CHD7: variants seen among roughly 807,000 people sequenced by gnomAD.
CHD7 encodes chromodomain helicase DNA binding protein 7, also known as ATP-dependent chromatin remodeler CHD7.
In CHD7, 24 loss-of-function variants were observed where a neutral mutation model predicts 307.3. The ratio of observed to expected loss-of-function variants is 0.08; its 90% CI spans 0.06 to 0.11. CHD7 has a LOEUF of 0.11. Ranked by LOEUF, CHD7 falls within the 10% of genes least tolerant of loss-of-function variation. The pLI is 1.00. For missense variants in CHD7, 3,106 were observed against 3,727.1 expected (o/e 0.83, Z 4.34); for synonymous variants, 1,363 against 1,349.9 (o/e 1.01, Z -0.21).
rs58405811 is a variant in CHD7 at position 60,816,113 on chromosome 8, G to GTCTGTCTCTCTCTC, written c.2499-271_2499-270insGTCTCTCTCTCTCT. 1.6e-3 allele frequency among the ~76,000 whole-genome samples: 219 copies of GTCTGTCTCTCTCTC among 139,296 alleles called. 1 individual carries two copies. Among genetic ancestry groups the GTCTGTCTCTCTCTC allele is most frequent in the African/African-American group, 5.9e-3 (205 of 34,984 alleles). 91.4% of individuals were successfully genotyped at this position (139,296 alleles called of 152,430 possible). On this transcript the variant is annotated intron_variant, in intron 7 of 37. Transcript: ENST00000423902. ...GTCTCTTTTGTCTGTCTGTCTGTCT[G>GTCTGTCTCTCTCTC]TCTCTCTCTCTCTCTCTCTCTCTCT...
chr8:60,701,556 T>C (rs1488695638), intron 1 of CHD7, among the ~76,000 whole-genome samples: 1 of 152,252 alleles, frequency 6.6e-6, no homozygotes, highest in Non-Finnish European at 1.5e-5. Flanking sequence ...GTGGATTACT[T>C]TATTGTATCA....
In CHD7 at chr8:60,865,409, A is replaced by G. The variant is rs1478846467; in HGVS notation, c.8470A>G (p.Thr2824Ala). ...GLLNNPLSAA[T>A]GNTTTASSQG... is the part of the protein sequence containing the mutation. The stretch of plus-strand genomic sequence containing the variant: ...GTTGAATAACCCTCTGTCAGCTGCT[A>G]CTGGAAACACCACTACTGCTTCTAG... Residue 2824 changes from threonine to alanine, a missense_variant, in exon 38 of 38, where the codon ACT (threonine) becomes GCT (alanine). Thr to Ala is a moderately conservative substitution (Grantham distance 58). Coordinates refer to ENST00000423902, the MANE Select transcript of CHD7 (RefSeq NM_017780.4). The surrounding 1 kb of genome is among the most constrained non-coding windows in gnomAD (Gnocchi z 4.3). 7 of 1,613,814 alleles carry G rather than the reference A, an allele frequency of 4.3e-6. No individual in the cohort carries two copies. Among genetic ancestry groups the G allele is most frequent in the Non-Finnish European group, 5.9e-6 (7 of 1,179,864 alleles).
chr8:60,795,738 GTTCTTGTGTGTAAAGCATACTGCC>G (rs1479357250), intron 4 of CHD7, among the ~76,000 whole-genome samples: 3 of 152,184 alleles, frequency 2.0e-5, no homozygotes, highest in Non-Finnish European at 2.9e-5. Context: ...AGGAATGTAG[GTTCTTGTGTGTAAAGCATACTGCC>G]TTCACTGATT....
chr8:60,817,718 T>G (rs1803814132), intron 8 of CHD7, among the ~76,000 whole-genome samples: 1 of 152,212 alleles, frequency 6.6e-6, no homozygotes, highest in Non-Finnish European at 1.5e-5. Flanking sequence ...ATCTTAATAT[T>G]TGATTTTGAG....
At chr8:60,720,206 G>T (rs180790388) in intron 1 of CHD7, among the ~76,000 whole-genome samples, 1 of 152,034 alleles carries the variant, frequency 6.6e-6, no homozygotes, top group Admixed American at 6.6e-5. Context: ...TTCAATGGCC[G>T]GTTGGGTCAT....
chr8:60,741,859 T>G lies in CHD7; in HGVS notation c.427T>G (p.Ser143Ala), dbSNP rs1464536379. 4 of 1,613,812 alleles carry G rather than the reference T, an allele frequency of 2.5e-6. No individual in the cohort carries two copies. The highest frequency in any genetic ancestry group is 3.4e-6 in the Non-Finnish European group (4 of 1,179,816). ...TGGGCAATCCTTTGTGGACAGCAGC[T>G]CCATGTGGGGCCCCAGGGCTGTTCA... ...RHGQSFVDSS[S>A]MWGPRAVQVP... Residue 143 changes from serine to alanine, a missense_variant, in exon 2 of 38, where the codon TCC becomes GCC. Ser to Ala is a moderately conservative substitution (Grantham distance 99). This residue lies in a region of CHD7 where 998 missense variants were observed against 1,004.5 expected (regional missense o/e 0.99). Transcript: ENST00000423902.
intron 1 of CHD7, among the ~76,000 whole-genome samples, chr8:60,693,230 C>A (rs777119446): frequency 1.3e-5 from 2 of 152,198 alleles, no homozygotes; most frequent in Non-Finnish European, 2.9e-5. Flanking sequence ...CCTGCTAGGT[C>A]ATTATGGTCA....
rs572098274 is a variant in CHD7, at chr8:60,856,061, T to C, written c.7023T>C (p.Asp2341=). 19 of 1,611,664 alleles carry C rather than the reference T, an allele frequency of 1.2e-5. No homozygotes were observed. The highest frequency in any genetic ancestry group is 1.7e-5 in the Admixed American group (1 of 59,708). The change falls in exon 33 of 38, where the codon GAT becomes GAC. Residue 2341 remains aspartate (D), a synonymous_variant. Coordinates refer to ENST00000423902, the MANE Select transcript of CHD7 (RefSeq NM_017780.4). ...KWPVNRRQMF[D]FQGLIPGYTP... ...CAGTAAATAGGCGCCAGATGTTTGA[T>C]TTCCAAGGCCTCATCCCAGGTTACA...
intron 3 of CHD7, among the ~76,000 whole-genome samples, chr8:60,783,498 T>C (rs1811358606): frequency 6.6e-6 from 1 of 152,206 alleles, no homozygotes; most frequent in Non-Finnish European, 1.5e-5. Context: ...AGAGTAAGTG[T>C]TTGGCATTGC....
chr8:60,765,219 AC>A, intron 2 of CHD7, among the ~76,000 whole-genome samples: 2 of 151,492 alleles, frequency 1.3e-5, no homozygotes, highest in Non-Finnish European at 2.9e-5. Flanking sequence ...ACACACACAC[AC>A]ACACACACAC....
At chr8:60,688,449 T>A (rs1563516287) in intron 1 of CHD7, among the ~76,000 whole-genome samples, 1 of 152,228 alleles carries the variant, frequency 6.6e-6, no homozygotes, top group East Asian at 1.9e-4. Context: ...ATCCTACAGA[T>A]GACTGGACAA....
At chr8:60,764,151 A>C (rs1465428816) in intron 2 of CHD7, among the ~76,000 whole-genome samples, 1 of 151,892 alleles carries the variant, frequency 6.6e-6, no homozygotes, top group Non-Finnish European at 1.5e-5. Context: ...CCACGCCCAG[A>C]TAATTTTTTT....
At chr8:60,711,470 G>T (rs1362808487) in intron 1 of CHD7, among the ~76,000 whole-genome samples, 4 of 152,192 alleles carry the variant, frequency 2.6e-5, no homozygotes, top group African/African-American at 9.7e-5. Flanking sequence ...GAAAACCATG[G>T]CTCAGAGGTT....
chr8:60,824,058 T>G (rs1382907119), intron 13 of CHD7, 42 bp downstream of exon 13: 1 of 1,563,804 alleles, frequency 6.4e-7, no homozygotes, highest in African/African-American at 1.4e-5. Context: ...CTGAATAGAA[T>G]TGTTGCTGAC....
At chr8:60,686,885 C>T (rs1805926900) in intron 1 of CHD7, among the ~76,000 whole-genome samples, 1 of 152,184 alleles carries the variant, frequency 6.6e-6, no homozygotes, top group African/African-American at 2.4e-5. Flanking sequence ...TTTTTAGAGG[C>T]CACTGTGTCC....
intron 2 of CHD7, among the ~76,000 whole-genome samples, chr8:60,763,475 G>C (rs919808862): frequency 4.6e-5 from 7 of 152,030 alleles, no homozygotes; most frequent in African/African-American, 1.7e-4. Context: ...AGCGGTCAGG[G>C]GAGTAGAACT....
At chr8:60,701,465 G>A (rs770489707) in intron 1 of CHD7, among the ~76,000 whole-genome samples, 1 of 152,314 alleles carries the variant, frequency 6.6e-6, no homozygotes, top group South Asian at 2.1e-4. Context: ...TAGGACAGAT[G>A]GGATCTGCTA....
intron 1 of CHD7, among the ~76,000 whole-genome samples, chr8:60,729,880 G>T (rs1808353876): frequency 6.6e-6 from 1 of 152,168 alleles, no homozygotes; most frequent in Admixed American, 6.5e-5. Flanking sequence ...CTTAAAGTGT[G>T]ATCTTTTTTC....
At chr8:60,827,180 A>G (rs766146306) in intron 13 of CHD7, among the ~76,000 whole-genome samples, 2 of 152,176 alleles carry the variant, frequency 1.3e-5, no homozygotes, top group Non-Finnish European at 2.9e-5. Context: ...GCGCACCAGC[A>G]TGGCACATGT....
Sources: allele counts gnomAD v4.1 joint callset (sites outside exome capture counted in the v4.1 genomes callset), GRCh38; gene constraint gnomAD v4.1.1; regional missense constraint gnomAD v4.1.1; non-coding constraint Gnocchi (gnomAD v3.1); transcripts MANE v1.5; gene names NCBI Gene and HGNC (gene_info 2026-07-23, HGNC 2026-07-21).